DGKK: variants seen among roughly 807,000 people sequenced by gnomAD.
The protein encoded by DGKK is 142 kDa diacylglycerol kinase.
A neutral mutation model predicts 92.2 loss-of-function variants in DGKK; 35 were observed. The ratio of observed to expected loss-of-function variants is 0.38; its 90% CI spans 0.29 to 0.50. The LOEUF (loss-of-function observed/expected upper bound fraction) is 0.50, where lower values mean the gene tolerates loss of function less well. Ranked by LOEUF, DGKK falls within the 20% of genes least tolerant of loss-of-function variation. The pLI is 0.92. For synonymous variants in DGKK, 368 were observed against 360.6 expected, an observed-to-expected ratio of 1.02 and a Z score of -0.23; for missense variants, 910 against 992.2, an observed-to-expected ratio of 0.92 and a Z score of 1.11.
chrX:50,408,422 A>AGGCTGGAGTGCAGT (rs1337633306), intron 4 of DGKK, among the ~76,000 whole-genome samples: 1 of 111,804 alleles, frequency 8.9e-6, no homozygotes, highest in Non-Finnish European at 1.9e-5. Context: ...ACCGTGGCCC[A>AGGCTGGAGTGCAGT]GGCTGGAGTG....
In DGKK at chrX:50,470,426, G is replaced by C; in HGVS notation, c.253C>G (p.Pro85Ala). 4 of 1,212,059 alleles carry C rather than the reference G, an allele frequency of 3.3e-6. No individual in the cohort carries two copies. Among genetic ancestry groups the C allele is most frequent in the Non-Finnish European group, 4.5e-6 (4 of 895,327 alleles). ...GGTTCTGAGGCCGGCTCTGTGGCTG[G>C]TTCTGGGGTCGGTTCTGTGTACAGT... is the stretch of plus-strand genomic sequence containing the variant. Reference protein sequence around the residue: ...TELYTEPTPEPATEPASEPAP... With the variant: ...TELYTEPTPEAATEPASEPAP... Residue 85 changes from proline to alanine, a missense_variant, in exon 1 of 28, where the codon CCA becomes GCA. Physicochemically the swap from Pro to Ala is conservative, Grantham distance 27 (BLOSUM62 -1). Transcript: ENST00000611977.
intron 27 of DGKK, 123 bp from the exon 28 acceptor site, chrX:50,369,142 C>T: frequency 6.6e-6 from 3 of 451,322 alleles, no homozygotes; most frequent in East Asian, 3.9e-5. Flanking sequence ...TCCTATTGTA[C>T]TAACCATCTC....
At chrX:50,418,849 G>A (rs1290407916) in intron 4 of DGKK, among the ~76,000 whole-genome samples, 1 of 111,644 alleles carries the variant, frequency 9.0e-6, no homozygotes, top group Non-Finnish European at 1.9e-5. Flanking sequence ...ATTTCTCTAG[G>A]AGTTTTTGCA....
chrX:50,391,299 C>A lies in DGKK; in HGVS notation c.1844+138G>T, dbSNP rs782737938. 7 of 832,546 alleles carry A rather than the reference C, an allele frequency of 8.4e-6. No individual in the cohort carries two copies. The African/African-American group carries it at 1.2e-4, about 15-fold the overall frequency. The allele number at this position is 832,546 out of a possible 1,213,427, so 68.6% of individuals were successfully genotyped here. A position where few individuals can be genotyped will look rare whatever the true frequency, so the allele number is the denominator to read the frequency against. On this transcript the variant is annotated intron_variant, in intron 11 of 27. Coordinates refer to ENST00000611977, the MANE Select transcript of DGKK (RefSeq NM_001013742.4). ...TTCCCAAGAGACAAGCCCCACCCAACCCACAAATGGCTCTGCACTGAAGCC... is the reference window on the plus strand; with the variant it reads ...TTCCCAAGAGACAAGCCCCACCCAAACCACAAATGGCTCTGCACTGAAGCC...
intron 14 of DGKK, among the ~76,000 whole-genome samples, chrX:50,387,092 C>A (rs193041052): frequency 9.0e-6 from 1 of 111,388 alleles, no homozygotes; most frequent in African/African-American, 3.3e-5. Context: ...AGTTTCTTAA[C>A]CGCTTTGTGC....
chrX:50,374,908 A>G, intron 25 of DGKK, 63 bp downstream of exon 25: 1 of 1,053,525 alleles, frequency 9.5e-7, no homozygotes, highest in Non-Finnish European at 1.3e-6. Context: ...GACCAAGCAC[A>G]AGACCATGAC....
chrX:50,468,054 GTC>G (rs1926953749), intron 1 of DGKK, among the ~76,000 whole-genome samples: 1 of 112,236 alleles, frequency 8.9e-6, no homozygotes, highest in Non-Finnish European at 1.9e-5. Context: ...GTTGCCAGAT[GTC>G]TGTGGGTCAG....
chrX:50,378,302 C>T (rs1476468241), intron 21 of DGKK, 70 bp from the exon 22 acceptor site: 1 of 1,124,023 alleles, frequency 8.9e-7, no homozygotes, highest in Admixed American at 2.6e-5. Context: ...CTGATAATCT[C>T]ATAGTTATGG....
At chrX:50,404,332 C>T in intron 4 of DGKK, 148 bp from the exon 5 acceptor site, 4 of 580,475 alleles carry the variant, frequency 6.9e-6, no homozygotes, top group South Asian at 1.0e-4. Context: ...GGAGCCAATA[C>T]CTGGGACCTG....
intron 1 of DGKK, among the ~76,000 whole-genome samples, chrX:50,447,185 G>GTA (rs1181915987): frequency 1.1e-5 from 1 of 89,691 alleles, no homozygotes. Flanking sequence ...TATTGTGTGT[G>GTA]TATATATATA....
chrX:50,369,368 G>C (rs1483493816), intron 27 of DGKK, among the ~76,000 whole-genome samples: 2 of 111,175 alleles, frequency 1.8e-5, no homozygotes, highest in African/African-American at 6.5e-5. Context: ...ATTCTCTCTT[G>C]GCATTCGTGC....
chrX:50,385,560 CTT>C (rs1557224888), intron 15 of DGKK, among the ~76,000 whole-genome samples: 1 of 111,633 alleles, frequency 9.0e-6, no homozygotes, highest in African/African-American at 3.3e-5. Context: ...TTGTTTAATC[CTT>C]CCACTGTGCA....
chrX:50,447,372 TATATATATATA>T (rs58101041), intron 1 of DGKK, among the ~76,000 whole-genome samples: 1,265 of 16,188 alleles, frequency 0.078, 204 homozygotes, highest in African/African-American at 0.41. Flanking sequence ...ATATATATTA[TATATATATATA>T]ATATATATAT....
chrX:50,460,148 C>T (rs1283988087), intron 1 of DGKK, among the ~76,000 whole-genome samples: 3 of 111,808 alleles, frequency 2.7e-5, no homozygotes, highest in African/African-American at 9.7e-5. Context: ...ACAGTGAGGG[C>T]TCAACTGACA....
At position 50,404,072 on chromosome X, in the gene DGKK, G is replaced by A; in HGVS notation, c.1055C>T (p.Ser352Phe). Residue 352 changes from serine to phenylalanine, a missense_variant, in exon 5 of 28, where the codon TCT (serine) becomes TTT (phenylalanine). Physicochemically the swap from Ser to Phe is radical, Grantham distance 155. Coordinates refer to ENST00000611977, the MANE Select transcript of DGKK (RefSeq NM_001013742.4). ...ACCTTCACAGATGATGGCATCTCTAGATAAGGCAGGAATGCTCTCTCGACA... is the reference window on the plus strand; with the variant it reads ...ACCTTCACAGATGATGGCATCTCTAAATAAGGCAGGAATGCTCTCTCGACA... ...NVCRESIPALSRDAIICEVCK... is the reference protein window; with the variant it reads ...NVCRESIPALFRDAIICEVCK... The A allele has an allele frequency of 1.7e-6, 2 of 1,210,974 alleles. No individual in the cohort carries two copies. Among genetic ancestry groups the A allele is most frequent in the Non-Finnish European group, 2.2e-6 (2 of 895,225 alleles).
At chrX:50,370,748 G>A (rs1455770243) in intron 26 of DGKK, among the ~76,000 whole-genome samples, 199 bp from the exon 27 acceptor site, 5 of 111,947 alleles carry the variant, frequency 4.5e-5, no homozygotes, top group Non-Finnish European at 9.4e-5. Context: ...GCTACTTGAT[G>A]CCAGGTGCTT....
chrX:50,376,743 G>T lies in DGKK; in HGVS notation c.3272+15C>A. 1 of 1,176,150 alleles carries T rather than the reference G, an allele frequency of 8.5e-7. No individual in the cohort carries two copies. On this transcript the variant is annotated intron_variant, in intron 23 of 27. Transcript: ENST00000611977. Reference sequence around the variant, plus strand: ...CTTAGGATTCTCAGCCCTGTATCTAGGCCAGTCCACTTACTTGCTGATGAG... The same window carrying T: ...CTTAGGATTCTCAGCCCTGTATCTATGCCAGTCCACTTACTTGCTGATGAG...
At chrX:50,437,844 G>A (rs2050280355) in intron 1 of DGKK, among the ~76,000 whole-genome samples, 1 of 111,344 alleles carries the variant, frequency 9.0e-6, no homozygotes, top group African/African-American at 3.3e-5. Flanking sequence ...GATTCCCACT[G>A]GTCCTGGAAA....
At chrX:50,379,243 C>T (rs895081846) in intron 20 of DGKK, among the ~76,000 whole-genome samples, 1 of 107,128 alleles carries the variant, frequency 9.3e-6, no homozygotes, top group Non-Finnish European at 1.9e-5. Context: ...ATCACTTGAA[C>T]CTGGGAGGCG....
Sources: allele counts gnomAD v4.1 joint callset (sites outside exome capture counted in the v4.1 genomes callset), GRCh38; gene constraint gnomAD v4.1.1; transcripts MANE v1.5; gene names NCBI Gene and HGNC (gene_info 2026-07-23, HGNC 2026-07-21).